FCHO1: variants seen among roughly 807,000 people sequenced by gnomAD.
The protein encoded by FCHO1 is FCH and mu domain containing endocytic adaptor 1.
A neutral mutation model predicts 114.4 loss-of-function variants in FCHO1; 45 were observed. That is an observed-to-expected ratio of 0.39 (90% CI 0.31 to 0.50). FCHO1 has a LOEUF of 0.50. Among genes scored for constraint, FCHO1 ranks in the 20% least tolerant of loss-of-function variants. FCHO1 has a pLI of 0.77. For missense variants in FCHO1, 1,042 were observed against 1,209.6 expected, an observed-to-expected ratio of 0.86 and a Z score of 2.06; for synonymous variants, 480 against 488.9, an observed-to-expected ratio of 0.98 and a Z score of 0.24.
chr19:17,755,460 A>C, intron 4 of FCHO1: 1 of 333,398 alleles, frequency 3.0e-6, no homozygotes, highest in Middle Eastern at 8.4e-4. Context: ...AAGTTGCCCC[A>C]TGAAAAAGTG....
intron 9 of FCHO1, among the ~76,000 whole-genome samples, chr19:17,771,825 A>C (rs1050585145): frequency 4.6e-5 from 7 of 151,690 alleles, no homozygotes; most frequent in African/African-American, 1.7e-4. Flanking sequence ...TGCTTCTTTT[A>C]TTTTTTTGAG....
At position 17,788,310 on chromosome 19, in the gene FCHO1, C is replaced by T. The variant is rs375554179; in HGVS notation, c.*4C>T. The T allele has an allele frequency of 1.8e-5, 29 of 1,597,692 alleles. No individual in the cohort carries two copies. The highest frequency in any genetic ancestry group is 2.3e-5 in the Non-Finnish European group (27 of 1,171,874). On this transcript the variant is annotated 3_prime_UTR_variant, in exon 29 of 29. Transcript: ENST00000596536. ...GATGTACCTGGTGAGCTGCTGAACC[C>T]GCAAATGCTGCTGCCCCAGCTCTAC...
chr19:17,762,176 G>T (rs1490340114), intron 4 of FCHO1, among the ~76,000 whole-genome samples: 3 of 152,134 alleles, frequency 2.0e-5, no homozygotes, highest in Non-Finnish European at 4.4e-5. Flanking sequence ...AGTAGAGACG[G>T]AGTTTTGCCA....
intron 28 of FCHO1, 40 bp from the exon 29 acceptor site, chr19:17,788,244 C>G: frequency 8.1e-7 from 1 of 1,234,410 alleles, no homozygotes; most frequent in Non-Finnish European, 1.2e-6. Context: ...TCCCGTACCC[C>G]TCCTCCCCAC....
intron 7 of FCHO1, among the ~76,000 whole-genome samples, chr19:17,769,819 T>G (rs4808095): frequency 0.45 from 68,248 of 151,944 alleles, 16,168 homozygotes; most frequent in East Asian, 0.71. Flanking sequence ...TTCTGAAATA[T>G]GAACCATGTG....
chr19:17,763,283 A>T (rs1456902242), intron 5 of FCHO1, among the ~76,000 whole-genome samples: 1 of 134,944 alleles, frequency 7.4e-6, no homozygotes, highest in Non-Finnish European at 1.6e-5. Flanking sequence ...TTTTTTTTTA[A>T]ACAGAGTTTT....
In FCHO1 at chr19:17,772,425, C is replaced by G. The variant is rs188192228; in HGVS notation, c.595-32C>G. The G allele has an allele frequency of 7.4e-4, 1,163 of 1,566,850 alleles. 11 individuals carry two copies. The African/African-American group carries it at 0.013, about 17-fold the overall frequency. On this transcript the variant is annotated intron_variant, in intron 9 of 28. Transcript: ENST00000596536. ...GGCCACTTCTTCTTGGCCCTGACCT[C>G]CTTTCCACCTGCCTCTGCCCTCCTG...
chr19:17,764,359 T>A lies in FCHO1; in HGVS notation c.120-16T>A. The A allele has an allele frequency of 6.2e-7, 1 of 1,613,270 alleles. No homozygotes were observed. The highest frequency in any genetic ancestry group is 8.5e-7 in the Non-Finnish European group (1 of 1,179,684). On this transcript the variant is annotated splice_polypyrimidine_tract_variant and intron_variant, in intron 5 of 28. Transcript: ENST00000596536. ...CCCGGGCAGTTTCTCCATCTTTACC[T>A]CATTCTCCTCCCCAGGGCCACCATC...
chr19:17,787,644 G>A (rs2094025821), intron 27 of FCHO1, 38 bp from the exon 28 acceptor site: 10 of 1,524,122 alleles, frequency 6.6e-6, no homozygotes, highest in Admixed American at 2.0e-5. Flanking sequence ...TGGGACGGGG[G>A]CTGGTGCCAG....
intron 20 of FCHO1, among the ~76,000 whole-genome samples, chr19:17,779,378 T>C (rs13345232): frequency 0.013 from 1,961 of 151,480 alleles, 46 homozygotes; most frequent in African/African-American, 0.045. Flanking sequence ...GGGACCTGAC[T>C]CAGGGGTCAC....
chr19:17,774,980 T>G (rs942885334), intron 13 of FCHO1, 76 bp from the exon 14 acceptor site: 189 of 1,532,356 alleles, frequency 1.2e-4, no homozygotes, highest in Admixed American at 1.0e-3. Context: ...AGCTTCCATG[T>G]CCAGTGTTGG....
At chr19:17,758,201 TGA>T (rs2084541286) in intron 4 of FCHO1, among the ~76,000 whole-genome samples, 1 of 148,374 alleles carries the variant, frequency 6.7e-6, no homozygotes, top group South Asian at 2.1e-4. Flanking sequence ...GGTGACAGAG[TGA>T]GACTCCGTCT....
At chr19:17,781,671 T>C (rs754578203) in intron 22 of FCHO1, 41 bp from the exon 23 acceptor site, 5 of 1,550,508 alleles carry the variant, frequency 3.2e-6, no homozygotes, top group African/African-American at 2.7e-5. Flanking sequence ...ATATTCACAC[T>C]GTCTATCCGT....
intron 23 of FCHO1, among the ~76,000 whole-genome samples, 164 bp downstream of exon 23, chr19:17,781,984 G>T (rs2093459053): frequency 7.1e-6 from 1 of 141,096 alleles, no homozygotes; most frequent in African/African-American, 2.6e-5. Flanking sequence ...GCCATAGGAG[G>T]GCCTTTTTTT....
At chr19:17,787,114 C>G (rs539908536) in intron 27 of FCHO1, among the ~76,000 whole-genome samples, 1 of 149,018 alleles carries the variant, frequency 6.7e-6, no homozygotes, top group Admixed American at 6.9e-5. Flanking sequence ...ATCCCAGCTA[C>G]TTGGGAGGCT....
At chr19:17,756,659 C>T (rs2083651476) in intron 4 of FCHO1, among the ~76,000 whole-genome samples, 1 of 152,202 alleles carries the variant, frequency 6.6e-6, no homozygotes, top group Admixed American at 6.5e-5. Flanking sequence ...CACTCCCACC[C>T]CATGCACCCC....
intron 7 of FCHO1, among the ~76,000 whole-genome samples, chr19:17,767,694 T>C (rs1246922412): frequency 6.6e-6 from 1 of 151,894 alleles, no homozygotes; most frequent in Admixed American, 6.6e-5. Flanking sequence ...CAGTCACATA[T>C]CAGTGCCAGT....
rs376919838 is a variant in FCHO1 at position 17,776,096 on chromosome 19, C to T, written c.1117C>T (p.Pro373Ser). 6 of 1,612,536 alleles carry T rather than the reference C, an allele frequency of 3.7e-6. No individual in the cohort carries two copies. Among genetic ancestry groups the T allele is most frequent in the Non-Finnish European group, 5.1e-6 (6 of 1,179,908 alleles). Reference protein sequence around the residue: ...PAPARAPACSPEAAAAQLRAT... With the variant: ...PAPARAPACSSEAAAAQLRAT... ...CCCGGCCCGGGCTCCAGCCTGCAGC[C>T]CCGAGGCAGCAGCGGCACAGCTCAG... The change falls in exon 16 of 29, where the codon CCC becomes TCC. Residue 373 changes from proline (P) to serine (S), a missense_variant. By Grantham distance (74) the Pro-to-Ser change is moderately conservative. Transcript: ENST00000596536. This position sits in a 1 kb window ranked among gnomAD's most constrained non-coding sequence, Gnocchi z 4.4.
In FCHO1 at chr19:17,774,395, G is replaced by A. The variant is rs138329130; in HGVS notation, c.837G>A (p.Ala279=). ...AGGTGCCCCCCAATCTATCCTCAGC[G>A]ATGAAACGTTTGCGGGGAGCCAAGG... is the stretch of plus-strand genomic sequence containing the variant. ...EAYSAAALQE[A]MKRLRGAKAF... is the part of the protein sequence containing the mutation. Residue 279 remains alanine, a splice_region_variant and synonymous_variant, in exon 13 of 29, where the codon GCG becomes GCA. Transcript: ENST00000596536. The A allele has an allele frequency of 8.1e-6, 13 of 1,613,918 alleles. No homozygotes were observed. Among genetic ancestry groups the A allele is most frequent in the African/African-American group, 4.0e-5 (3 of 74,936 alleles).
Sources: gnomAD v4.1 joint callset for allele counts (sites outside exome capture counted in the v4.1 genomes callset) on GRCh38, gnomAD v4.1.1 for gene constraint, Gnocchi (gnomAD v3.1) non-coding constraint, MANE v1.5 for transcripts, NCBI Gene and HGNC (gene_info 2026-07-23, HGNC 2026-07-21) for gene names.